Variants in CNOT2 observed in about 807,000 individuals in gnomAD.
CNOT2 encodes CC chemokine receptor 4-negative regulator of transcription 2.
Under a neutral mutation model 72.1 loss-of-function variants are expected in CNOT2, and 7 were observed. That is an observed-to-expected ratio of 0.10 (90% CI 0.06 to 0.18). CNOT2 has a LOEUF of 0.18. Among genes scored for constraint, CNOT2 ranks in the 10% least tolerant of loss-of-function variants. CNOT2 has a pLI of 1.00. For missense variants in CNOT2, 345 were observed against 660.3 expected (o/e 0.52, Z 5.23); for synonymous variants, 196 against 225.6 (o/e 0.87, Z 1.17).
At chr12:70,334,754 A>G (rs1395959591) in intron 7 of CNOT2, 2 of 150,988 alleles carry the variant, frequency 1.3e-5, no homozygotes, top group East Asian at 4.0e-4. Context: ...CATTTAATTT[A>G]TTCTATATAT....
chr12:70,329,094 T>C (rs1879534124), intron 4 of CNOT2, among the ~76,000 whole-genome samples: 1 of 151,976 alleles, frequency 6.6e-6, no homozygotes, highest in Admixed American at 6.6e-5. Context: ...TATACACATG[T>C]ACATATATGC....
At chr12:70,291,974 C>T (rs1425126400) in intron 2 of CNOT2, among the ~76,000 whole-genome samples, 1 of 152,052 alleles carries the variant, frequency 6.6e-6, no homozygotes, top group African/African-American at 2.4e-5. Flanking sequence ...GTAATAGATA[C>T]TGCGAGCAAT....
chr12:70,352,607 C>G (rs1765036321), intron 15 of CNOT2, among the ~76,000 whole-genome samples: 2 of 152,088 alleles, frequency 1.3e-5, no homozygotes, highest in African/African-American at 4.8e-5. Flanking sequence ...TCACTTGTTG[C>G]CTTAATCTTT....
At chr12:70,251,813 G>T (rs1372218577) in intron 1 of CNOT2, among the ~76,000 whole-genome samples, 2 of 152,164 alleles carry the variant, frequency 1.3e-5, no homozygotes, top group Non-Finnish European at 2.9e-5. Flanking sequence ...AACTGTTCAA[G>T]ATTTTTCCGT....
At chr12:70,289,975 G>A (rs1871595932) in intron 2 of CNOT2, among the ~76,000 whole-genome samples, 1 of 151,962 alleles carries the variant, frequency 6.6e-6, no homozygotes, top group South Asian at 2.1e-4. Flanking sequence ...TAGATTTCTT[G>A]TGGTTGCAGT....
In CNOT2 at chr12:70,303,255, C is replaced by T. The variant is rs988736381; in HGVS notation, c.49-7640C>T. 9.2e-5 allele frequency among the ~76,000 whole-genome samples: 14 copies of T among 152,162 alleles called. 1 individual carries two copies. Among genetic ancestry groups the T allele is most frequent in the Middle Eastern group, 3.2e-3 (1 of 316 alleles). On this transcript the variant is annotated intron_variant, in intron 2 of 15. Transcript: ENST00000229195. Reference sequence around the variant, plus strand: ...TTGTTATGTGTGAATTTGATCCTGTCATTATGATGTTAGCTGGTGATTTTG... The same window carrying T: ...TTGTTATGTGTGAATTTGATCCTGTTATTATGATGTTAGCTGGTGATTTTG...
chr12:70,307,452 G>A (rs1524251), intron 2 of CNOT2, among the ~76,000 whole-genome samples: 86,461 of 151,894 alleles, frequency 0.57, 25,709 homozygotes, highest in East Asian at 0.94. Context: ...GTCTATCAAG[G>A]CATCACTAGG....
At chr12:70,257,037 T>A (rs1422590879) in intron 1 of CNOT2, among the ~76,000 whole-genome samples, 3 of 152,232 alleles carry the variant, frequency 2.0e-5, no homozygotes, top group East Asian at 3.8e-4. Context: ...CATTTTATTT[T>A]TTTTTTACTT....
intron 2 of CNOT2, among the ~76,000 whole-genome samples, chr12:70,286,474 T>C (rs1045002797): frequency 1.3e-5 from 2 of 150,050 alleles, no homozygotes; most frequent in African/African-American, 4.8e-5. Flanking sequence ...TGCACCTAAA[T>C]TATCATATTA....
chr12:70,342,425 T>G, intron 13 of CNOT2, 118 bp downstream of exon 13: 2 of 1,159,974 alleles, frequency 1.7e-6, no homozygotes, highest in Non-Finnish European at 2.5e-6. Context: ...GGGATATGCT[T>G]TCATATGTCC....
intron 15 of CNOT2, 36 bp from the exon 16 acceptor site, chr12:70,353,793 G>T (rs779330136): frequency 6.3e-7 from 1 of 1,595,706 alleles, no homozygotes; most frequent in Non-Finnish European, 8.5e-7. Flanking sequence ...AAATGAAAAG[G>T]GGAAGATATC....
At chr12:70,331,745 T>C (rs922011345) in intron 6 of CNOT2, 2 of 151,838 alleles carry the variant, frequency 1.3e-5, no homozygotes, top group African/African-American at 2.4e-5. Flanking sequence ...GTCAGCTGCA[T>C]GTTTTATCAA....
intron 4 of CNOT2, chr12:70,322,184 C>T (rs1230561682): frequency 6.6e-6 from 1 of 151,796 alleles, no homozygotes; most frequent in African/African-American, 2.4e-5. Context: ...TTTTTGTTCT[C>T]ATCAACATTA....
At chr12:70,268,886 G>A (rs76944966) in intron 1 of CNOT2, among the ~76,000 whole-genome samples, 9,057 of 152,044 alleles carry the variant, frequency 0.06, 433 homozygotes, top group East Asian at 0.16. Context: ...ATACATGTCC[G>A]GTATGCAAAA....
In CNOT2 at chr12:70,339,076, G is replaced by GTA. The variant is rs748811801; in HGVS notation, c.1178+269_1178+270dup. 7.5e-3 allele frequency among the ~76,000 whole-genome samples: 958 copies of GTA among 128,578 alleles called. 11 individuals carry two copies. The highest frequency in any genetic ancestry group is 0.033 in the Admixed American group (440 of 13,378). 84.4% of individuals were successfully genotyped at this position (128,578 alleles called of 152,430 possible). On this transcript the variant is annotated intron_variant, in intron 11 of 15. Coordinates refer to ENST00000229195, the MANE Select transcript of CNOT2 (RefSeq NM_014515.7). ...CATGTGCATGTATATATGTGTGTGT[G>GTA]TATATATATATATATACACACACAC... is the stretch of plus-strand genomic sequence containing the variant.
intron 1 of CNOT2, among the ~76,000 whole-genome samples, chr12:70,274,539 A>G (rs770205868): frequency 2.9e-4 from 44 of 152,020 alleles, no homozygotes; most frequent in Non-Finnish European, 5.4e-4. Context: ...TTTAGATACT[A>G]TTTTCAGCTT....
intron 1 of CNOT2, among the ~76,000 whole-genome samples, chr12:70,272,187 ATG>A (rs1313100482): frequency 1.3e-5 from 2 of 152,208 alleles, no homozygotes; most frequent in Non-Finnish European, 2.9e-5. Context: ...ATTCAGTAAA[ATG>A]TATCTGTTAT....
chr12:70,353,652 A>G (rs575743388), intron 15 of CNOT2, among the ~76,000 whole-genome samples, 177 bp from the exon 16 acceptor site: 2 of 152,252 alleles, frequency 1.3e-5, no homozygotes, highest in East Asian at 3.9e-4. Context: ...GTTAGAAACT[A>G]CAGCACATTA....
intron 2 of CNOT2, among the ~76,000 whole-genome samples, chr12:70,286,750 C>T (rs1259196377): frequency 6.8e-6 from 1 of 148,128 alleles, no homozygotes; most frequent in African/African-American, 2.4e-5. Context: ...AGAATGCTCC[C>T]CTCCAACACA....
Sources: allele counts gnomAD v4.1 joint callset (sites outside exome capture counted in the v4.1 genomes callset), GRCh38; gene constraint gnomAD v4.1.1; transcripts MANE v1.5; gene names NCBI Gene and HGNC (gene_info 2026-07-23, HGNC 2026-07-21).